Variants in PDZRN3 observed in about 807,000 individuals in gnomAD.
PDZRN3 encodes E3 ubiquitin-protein ligase PDZRN3.
PDZRN3 carries 38 observed loss-of-function variants against 85.7 expected under a neutral mutation model. The observed-to-expected ratio is 0.44, with a 90% confidence interval of 0.34 to 0.58. PDZRN3 has a LOEUF of 0.58. PDZRN3 is among the 20% of genes least tolerant of loss of function. The pLI, the probability that PDZRN3 is intolerant of heterozygous loss-of-function variation, is 0.01. For missense variants in PDZRN3, 1,629 were observed against 1,506.4 expected, an observed-to-expected ratio of 1.08 and a Z score of -1.35; for synonymous variants, 759 against 638.0, an observed-to-expected ratio of 1.19 and a Z score of -2.86.
chr3:73,405,463 G>GT (rs1414880736), intron 3 of PDZRN3, among the ~76,000 whole-genome samples: 1 of 152,180 alleles, frequency 6.6e-6, no homozygotes, highest in Non-Finnish European at 1.5e-5. Flanking sequence ...TGCATAAAAT[G>GT]TATCAGGCTC....
At chr3:73,484,984 A>G (rs557885069) in intron 3 of PDZRN3, among the ~76,000 whole-genome samples, 21 of 151,782 alleles carry the variant, frequency 1.4e-4, no homozygotes, top group Non-Finnish European at 3.1e-4. Context: ...TAACTTTAAA[A>G]TGAAACCAGA....
intron 3 of PDZRN3, among the ~76,000 whole-genome samples, chr3:73,442,059 T>TGGCATGGTGGGGCAGTGGTG (rs1430685295): frequency 2.0e-5 from 3 of 152,180 alleles, no homozygotes; most frequent in Non-Finnish European, 4.4e-5. Context: ...CCATTCTAAA[T>TGGCATGGTGGGGCAGTGGTG]GGCATGGTGG....
chr3:73,437,248 T>C (rs1175410721), intron 3 of PDZRN3, among the ~76,000 whole-genome samples: 1 of 152,140 alleles, frequency 6.6e-6, no homozygotes, highest in African/African-American at 2.4e-5. Context: ...AAACAGAAGT[T>C]TTTGAGAAGG....
intron 3 of PDZRN3, among the ~76,000 whole-genome samples, chr3:73,572,988 T>C (rs535090587): frequency 2.4e-4 from 37 of 152,326 alleles, no homozygotes; most frequent in Non-Finnish European, 5.0e-4. Context: ...TTTTAGGCTC[T>C]TTTGTGTCCC....
intron 3 of PDZRN3, among the ~76,000 whole-genome samples, chr3:73,487,198 T>C (rs1200692117): frequency 6.6e-6 from 1 of 152,224 alleles, no homozygotes; most frequent in African/African-American, 2.4e-5. Context: ...AGGTATTTCC[T>C]ACATGATAGT....
At chr3:73,496,083 C>T (rs1703860251) in intron 3 of PDZRN3, among the ~76,000 whole-genome samples, 1 of 150,808 alleles carries the variant, frequency 6.6e-6, no homozygotes. Context: ...TCAAGATATG[C>T]ACTTGAAAAA....
At chr3:73,467,189 C>A (rs960901529) in intron 3 of PDZRN3, among the ~76,000 whole-genome samples, 1 of 152,086 alleles carries the variant, frequency 6.6e-6, no homozygotes, top group Non-Finnish European at 1.5e-5. Context: ...TTCCAAGCAC[C>A]ATGTACTCGC....
At chr3:73,589,407 T>G (rs919461099) in intron 3 of PDZRN3, among the ~76,000 whole-genome samples, 1 of 152,236 alleles carries the variant, frequency 6.6e-6, no homozygotes, top group Non-Finnish European at 1.5e-5. Context: ...ACACTTGTTA[T>G]GGGCTTAACT....
At chr3:73,536,529 C>T (rs1015547046) in intron 3 of PDZRN3, among the ~76,000 whole-genome samples, 5 of 152,266 alleles carry the variant, frequency 3.3e-5, no homozygotes, top group Non-Finnish European at 5.9e-5. Flanking sequence ...AAAAAATACA[C>T]AGAAGCACAT....
At chr3:73,588,217 G>T (rs1176590994) in intron 3 of PDZRN3, among the ~76,000 whole-genome samples, 1 of 152,088 alleles carries the variant, frequency 6.6e-6, no homozygotes, top group Non-Finnish European at 1.5e-5. Context: ...GTTTGCTGAG[G>T]ATGATGGCTT....
chr3:73,605,835 T>C (rs1171148428), intron 2 of PDZRN3, among the ~76,000 whole-genome samples: 1 of 152,248 alleles, frequency 6.6e-6, no homozygotes, highest in Non-Finnish European at 1.5e-5. Context: ...CTGGGGACCA[T>C]GCAGGCAGTT....
chr3:73,469,903 G>A (rs1022275190), intron 3 of PDZRN3, among the ~76,000 whole-genome samples: 1 of 152,112 alleles, frequency 6.6e-6, no homozygotes, highest in African/African-American at 2.4e-5. Context: ...TGACATCTTG[G>A]GCCAGATAGT....
At chr3:73,387,481 G>C (rs1413386148) in intron 8 of PDZRN3, among the ~76,000 whole-genome samples, 1 of 152,184 alleles carries the variant, frequency 6.6e-6, no homozygotes, top group African/African-American at 2.4e-5. Flanking sequence ...TCCTGGGAAG[G>C]CTCTCCTGTG....
intron 3 of PDZRN3, among the ~76,000 whole-genome samples, chr3:73,528,488 C>G (rs1320322708): frequency 6.6e-6 from 1 of 152,026 alleles, no homozygotes; most frequent in African/African-American, 2.4e-5. Context: ...AAGAGAGAGT[C>G]TTGGGGATAA....
At chr3:73,462,311 A>G (rs924931563) in intron 3 of PDZRN3, among the ~76,000 whole-genome samples, 2 of 152,144 alleles carry the variant, frequency 1.3e-5, no homozygotes, top group Non-Finnish European at 2.9e-5. Flanking sequence ...CTTGAGGCCG[A>G]GGCGGGCAGA....
At chr3:73,474,742 T>C (rs1703415461) in intron 3 of PDZRN3, 4 of 511,968 alleles carry the variant, frequency 7.8e-6, no homozygotes, top group Non-Finnish European at 1.1e-5. Context: ...AGGTTCCCCT[T>C]GCGAAGTGAA....
At chr3:73,394,350 G>C (rs1372395100) in intron 5 of PDZRN3, among the ~76,000 whole-genome samples, 1 of 152,174 alleles carries the variant, frequency 6.6e-6, no homozygotes, top group African/African-American at 2.4e-5. Flanking sequence ...TAGCAGAATG[G>C]CGTAGAGCCC....
At chr3:73,483,921 C>G (rs1222458740) in intron 3 of PDZRN3, among the ~76,000 whole-genome samples, 2 of 152,112 alleles carry the variant, frequency 1.3e-5, no homozygotes, top group Non-Finnish European at 2.9e-5. Context: ...GCCGTCAGAA[C>G]TTTACCCATT....
chr3:73,600,087 G>C (rs1478158508), intron 3 of PDZRN3, among the ~76,000 whole-genome samples: 1 of 152,082 alleles, frequency 6.6e-6, no homozygotes, highest in African/African-American at 2.4e-5. Context: ...CACCGATGTG[G>C]GTAAGAGCCG....
Sources: allele counts gnomAD v4.1 joint callset (sites outside exome capture counted in the v4.1 genomes callset), GRCh38; gene constraint gnomAD v4.1.1; transcripts MANE v1.5; gene names NCBI Gene and HGNC (gene_info 2026-07-23, HGNC 2026-07-21).